Variants in MCMBP observed in about 807,000 individuals in gnomAD.
MCMBP encodes minichromosome maintenance complex binding protein.
In MCMBP, 31 loss-of-function variants were observed where a neutral mutation model predicts 81.3. The ratio of observed to expected loss-of-function variants is 0.38; its 90% confidence interval spans 0.29 to 0.51. The LOEUF (loss-of-function observed/expected upper bound fraction) is 0.51, where lower values mean the gene tolerates loss of function less well. Among genes scored for constraint, MCMBP ranks in the 20% least tolerant of loss-of-function variants. MCMBP has a pLI of 0.87. For synonymous variants in MCMBP, 267 were observed against 275.9 expected (o/e 0.97, Z 0.32); for missense variants, 645 against 772.1 (o/e 0.84, Z 1.95).
intron 5 of MCMBP, among the ~76,000 whole-genome samples, chr10:119,856,811 A>G (rs575570950): frequency 6.6e-6 from 1 of 152,280 alleles, no homozygotes; most frequent in African/African-American, 2.4e-5. Context: ...TTTAATTATC[A>G]TATTTTTTCA....
At chr10:119,841,085 T>G in intron 10 of MCMBP, 125 bp from the exon 11 acceptor site, 1 of 675,920 alleles carries the variant, frequency 1.5e-6, no homozygotes, top group Non-Finnish European at 2.6e-6. Context: ...TCTGACCAGT[T>G]ATTTTATCAG....
intron 13 of MCMBP, among the ~76,000 whole-genome samples, chr10:119,836,357 C>T (rs1287978873): frequency 4.6e-5 from 7 of 152,004 alleles, no homozygotes; most frequent in African/African-American, 1.2e-4. Flanking sequence ...TCTCATCAAT[C>T]GCAGGTGAAT....
At chr10:119,872,954 G>GGGC (rs949568763), upstream of MCMBP, 2 of 151,826 alleles carry the variant, frequency 1.3e-5, no homozygotes, top group African/African-American at 2.4e-5. Flanking sequence ...CGAGGAGGAG[G>GGGC]GGCGGCGGCG....
intron 8 of MCMBP, 51 bp from the exon 9 acceptor site, chr10:119,843,477 T>A: frequency 6.4e-7 from 1 of 1,553,576 alleles, no homozygotes. Context: ...ATTGCACAGA[T>A]GCAAAAATAA....
rs774970316 is a variant in MCMBP at position 119,837,035 on chromosome 10, A to G, written c.1409-6T>C. On this transcript the variant is annotated splice_polypyrimidine_tract_variant and splice_region_variant and intron_variant, in intron 12 of 15. Coordinates refer to ENST00000369077, the MANE Select transcript of MCMBP (RefSeq NM_001256378.2). ...GGCTGTCACATTATGAACACCTACA[A>G]AGGCAGGAAAACACTTTCAGTCATT... The G allele has an allele frequency of 6.2e-7, 1 of 1,611,196 alleles. No homozygotes were observed. Among genetic ancestry groups the G allele is most frequent in the African/African-American group, 1.3e-5 (1 of 74,770 alleles).
chr10:119,862,629 T>C (rs535522429), intron 1 of MCMBP, among the ~76,000 whole-genome samples: 2 of 152,342 alleles, frequency 1.3e-5, no homozygotes, highest in South Asian at 4.1e-4. Flanking sequence ...GTTTGACAAC[T>C]ATAAACAAAA....
chr10:119,863,903 C>T (rs1474428398), intron 1 of MCMBP, among the ~76,000 whole-genome samples: 1 of 151,994 alleles, frequency 6.6e-6, no homozygotes, highest in Non-Finnish European at 1.5e-5. Flanking sequence ...GACCCCCTCC[C>T]ACCCAACCAA....
At chr10:119,858,798 A>G (rs1435492737) in intron 4 of MCMBP, 86 bp downstream of exon 4, 2 of 1,003,604 alleles carry the variant, frequency 2.0e-6, no homozygotes, top group Non-Finnish European at 3.0e-6. Flanking sequence ...TACACAAGAT[A>G]AATAAATTTA....
intron 1 of MCMBP, among the ~76,000 whole-genome samples, chr10:119,871,902 A>G (rs1213482322): frequency 6.6e-6 from 1 of 152,242 alleles, no homozygotes; most frequent in Non-Finnish European, 1.5e-5. Context: ...CCCTGTGTAC[A>G]AACTCAAGTA....
At chr10:119,866,409 TGAGATCAGGAGTTCAAGAGCAG>T in intron 1 of MCMBP, among the ~76,000 whole-genome samples, 1 of 152,130 alleles carries the variant, frequency 6.6e-6, no homozygotes, top group Admixed American at 6.5e-5. Context: ...GTGGATCACC[TGAGATCAGGAGTTCAAGAGCAG>T]CCTGACCAAC....
chr10:119,856,769 G>T (rs1853061172), intron 5 of MCMBP, among the ~76,000 whole-genome samples: 1 of 152,124 alleles, frequency 6.6e-6, no homozygotes, highest in African/African-American at 2.4e-5. Flanking sequence ...CCCTTAATTA[G>T]AATGAATTCC....
In MCMBP at chr10:119,831,507, C is replaced by T; in HGVS notation, c.1890G>A (p.Gln630=). 6.2e-7 allele frequency: 1 copy of T among 1,614,012 alleles called. No individual in the cohort carries two copies. Among genetic ancestry groups the T allele is most frequent in the Non-Finnish European group, 8.5e-7 (1 of 1,179,904 alleles). Residue 630 remains glutamine (Q), a synonymous_variant, in exon 16 of 16, where the codon CAG becomes CAA. Coordinates refer to ENST00000369077, the MANE Select transcript of MCMBP (RefSeq NM_001256378.2). ...QLESLRRTRL[Q]QQKCVNGNEL is the part of the protein sequence containing the mutation. Reference sequence around the variant, plus strand: ...CATTTCCATTCACACATTTTTGCTGCTGAAGCCTCGTTCTTCTTAAAGACT... The same window carrying T: ...CATTTCCATTCACACATTTTTGCTGTTGAAGCCTCGTTCTTCTTAAAGACT...
At chr10:119,842,760 C>T (rs945083343) in intron 9 of MCMBP, 165 bp from the exon 10 acceptor site, 3 of 706,698 alleles carry the variant, frequency 4.2e-6, no homozygotes, top group Middle Eastern at 3.9e-4. Context: ...AGGCAGTTTG[C>T]ATCCTCCTTT....
chr10:119,832,567 C>T (rs997879374), intron 14 of MCMBP, among the ~76,000 whole-genome samples: 6 of 152,174 alleles, frequency 3.9e-5, no homozygotes, highest in African/African-American at 1.4e-4. Flanking sequence ...ACCCCTTCCC[C>T]TCCAGGCGAT....
chr10:119,852,914 A>G, intron 6 of MCMBP, 136 bp downstream of exon 6: 1 of 1,090,878 alleles, frequency 9.2e-7, no homozygotes, highest in Non-Finnish European at 1.3e-6. Flanking sequence ...GAGTACTGTA[A>G]AAACTCTCAA....
chr10:119,857,590 T>A (rs1014809551), intron 4 of MCMBP, 151 bp from the exon 5 acceptor site: 3 of 509,842 alleles, frequency 5.9e-6, no homozygotes, highest in Non-Finnish European at 1.1e-5. Context: ...TATTACTTTT[T>A]AAAAGAAAAT....
intron 1 of MCMBP, among the ~76,000 whole-genome samples, chr10:119,865,215 T>C (rs138130412): frequency 3.8e-4 from 58 of 152,368 alleles, no homozygotes; most frequent in Non-Finnish European, 6.2e-4. Flanking sequence ...GCTTGGTGCA[T>C]ATATAGTTAG....
intron 1 of MCMBP, among the ~76,000 whole-genome samples, chr10:119,860,731 T>G (rs1158942303): frequency 6.6e-6 from 1 of 152,216 alleles, no homozygotes; most frequent in Non-Finnish European, 1.5e-5. Flanking sequence ...ATAAGGTCCT[T>G]TTTTAAAAAT....
intron 10 of MCMBP, among the ~76,000 whole-genome samples, chr10:119,841,472 G>A (rs1356351077): frequency 6.6e-6 from 1 of 152,266 alleles, no homozygotes; most frequent in East Asian, 1.9e-4. Flanking sequence ...AATGGTTACA[G>A]TATGGTACAA....
Sources: gnomAD v4.1 joint callset for allele counts (sites outside exome capture counted in the v4.1 genomes callset) on GRCh38, gnomAD v4.1.1 for gene constraint, MANE v1.5 for transcripts, NCBI Gene and HGNC (gene_info 2026-07-23, HGNC 2026-07-21) for gene names.